Variants in RGSL1 observed in about 807,000 individuals in gnomAD.
RGSL1 encodes regulator of G protein signaling protein-like.
A neutral mutation model predicts 124.7 loss-of-function variants in RGSL1; 97 were observed. The ratio of observed to expected loss-of-function variants is 0.78; its 90% CI spans 0.66 to 0.92. The LOEUF is 0.92. RGSL1 is among the 40% of genes least tolerant of loss of function. The pLI is 0.00. For synonymous variants in RGSL1, 424 were observed against 438.1 expected (o/e 0.97, Z 0.40); for missense variants, 1,233 against 1,288.4 (o/e 0.96, Z 0.66).
rs909296449 is a variant in RGSL1 at position 182,529,864 on chromosome 1, A to T, written c.2126-380A>T. Among the ~76,000 whole-genome samples, 29 of 152,062 alleles carry T rather than the reference A, an allele frequency of 1.9e-4. 1 individual carries two copies. The highest frequency in any genetic ancestry group is 6.6e-5 in the Admixed American group (1 of 15,252). ...TGGAGAAACAAACTGCCCTCACAAT[A>T]CTTATCTGGAATCTTGGATTCCCCG... On this transcript the variant is annotated intron_variant, in intron 11 of 21. Transcript: ENST00000294854.
At position 182,548,376 on chromosome 1, in the gene RGSL1, A is replaced by G. The variant is rs1385085968; in HGVS notation, c.2729A>G (p.Asn910Ser). The change falls in exon 16 of 22, where the codon AAT becomes AGT. Residue 910 changes from asparagine to serine, a missense_variant. Asn to Ser is a conservative substitution (Grantham distance 46). Coordinates refer to ENST00000294854, the MANE Select transcript of RGSL1 (RefSeq NM_001137669.2). ...MLQVNRAYNENDVILMRSKMN... is the reference protein window; with the variant it reads ...MLQVNRAYNESDVILMRSKMN... ...CAGGTCAACCGGGCATATAATGAGA[A>G]TGATGTGATCCTAATGCGGTCCAAA... The G allele has an allele frequency of 1.4e-5, 21 of 1,551,896 alleles. No individual in the cohort carries two copies. The highest frequency in any genetic ancestry group is 1.8e-5 in the Non-Finnish European group (21 of 1,147,068).
Position 182,554,808 on chromosome 1 carries a change from A to G in RGSL1, c.3197+115A>G, listed in dbSNP as rs958597652. 2.8e-5 allele frequency: 29 copies of G among 1,017,896 alleles called. 1 individual carries two copies. The highest frequency in any genetic ancestry group is 4.3e-5 in the Non-Finnish European group (29 of 677,640). The allele number at this position is 1,017,896 out of a possible 1,614,324, so 63.1% of individuals were successfully genotyped here. On this transcript the variant is annotated intron_variant, in intron 20 of 21. Transcript: ENST00000294854. Reference sequence around the variant, plus strand: ...GCCTCATACCCTGCCTCTCCTTGGCATGCAGAACCTAGAAACTGAGCTTGC... The same window carrying G: ...GCCTCATACCCTGCCTCTCCTTGGCGTGCAGAACCTAGAAACTGAGCTTGC...
chr1:182,503,531 T>C (rs775257673), intron 9 of RGSL1, among the ~76,000 whole-genome samples: 17 of 126,902 alleles, frequency 1.3e-4, no homozygotes, highest in Non-Finnish European at 2.0e-4. Context: ...TCAAAACAAT[T>C]GAACCCATGG....
rs186120811 is a variant in RGSL1, at chr1:182,535,836, T to C, written c.2494+3045T>C. On this transcript the variant is annotated intron_variant, in intron 14 of 21. Coordinates refer to ENST00000294854, the MANE Select transcript of RGSL1 (RefSeq NM_001137669.2). The stretch of plus-strand genomic sequence containing the variant: ...ATACAGTAAAATTCACTAATTTTAA[T>C]TGTGCAATTTGATGAATGTAAGTAT... 1.7e-3 allele frequency among the ~76,000 whole-genome samples: 265 copies of C among 152,284 alleles called. 3 individuals are homozygous for C. The highest frequency in any genetic ancestry group is 5.3e-4 in the Non-Finnish European group (36 of 68,014).
chr1:182,534,614 G>A (rs1659415367), intron 14 of RGSL1, among the ~76,000 whole-genome samples: 1 of 152,164 alleles, frequency 6.6e-6, no homozygotes, highest in African/African-American at 2.4e-5. Flanking sequence ...GATCACTTGA[G>A]GTCGGGAATT....
At chr1:182,464,111 G>GA (rs1488118429) in intron 4 of RGSL1, among the ~76,000 whole-genome samples, 1 of 151,882 alleles carries the variant, frequency 6.6e-6, no homozygotes, top group Non-Finnish European at 1.5e-5. Flanking sequence ...ATGGATCAAA[G>GA]AAAAAATTAC....
intron 9 of RGSL1, among the ~76,000 whole-genome samples, chr1:182,509,972 G>C (rs1224660009): frequency 4.8e-4 from 61 of 125,806 alleles, no homozygotes; most frequent in African/African-American, 1.9e-3. Context: ...CAGGGCGGCC[G>C]GGCAGAGACG....
chr1:182,528,931 T>A (rs147941603), intron 11 of RGSL1, among the ~76,000 whole-genome samples: 5 of 152,152 alleles, frequency 3.3e-5, no homozygotes. Flanking sequence ...GCAAGAGAGA[T>A]AATGAGTGCC....
intron 15 of RGSL1, among the ~76,000 whole-genome samples, chr1:182,547,662 C>T (rs534729510): frequency 4.6e-5 from 7 of 152,154 alleles, no homozygotes; most frequent in African/African-American, 1.2e-4. Context: ...GAGATCGAGA[C>T]CATCCTGGGT....
intron 9 of RGSL1, among the ~76,000 whole-genome samples, chr1:182,506,086 A>G (rs558040802): frequency 4.3e-4 from 65 of 152,302 alleles, no homozygotes; most frequent in Admixed American, 8.5e-4. Flanking sequence ...CACAGATTTA[A>G]TCTCTTCAAA....
chr1:182,509,759 T>TG (rs1380482913), intron 9 of RGSL1, among the ~76,000 whole-genome samples: 2 of 56,400 alleles, frequency 3.5e-5, no homozygotes. Context: ...GCTGGCCGGG[T>TG]GGGGGGGCTG....
At chr1:182,464,126 G>A (rs1653076536) in intron 4 of RGSL1, among the ~76,000 whole-genome samples, 1 of 151,992 alleles carries the variant, frequency 6.6e-6, no homozygotes, top group South Asian at 2.1e-4. Context: ...AATTACAAGG[G>A]AAATTAGAAA....
chr1:182,548,323 T>G lies in RGSL1; in HGVS notation c.2676T>G (p.Asn892Lys), dbSNP rs1164551505. ...CTTCACATTTCTTTTTTAGATTTAATGATCTGGTCAGTTCAGCCCACATGC... is the reference window on the plus strand; with the variant it reads ...CTTCACATTTCTTTTTTAGATTTAAGGATCTGGTCAGTTCAGCCCACATGC... ...LYFFSEMEKFNDLVSSAHMLQ... is the reference protein window; with the variant it reads ...LYFFSEMEKFKDLVSSAHMLQ... The change falls in exon 16 of 22, where the codon AAT (asparagine) becomes AAG (lysine). Residue 892 changes from asparagine to lysine, a missense_variant. Coordinates refer to ENST00000294854, the MANE Select transcript of RGSL1 (RefSeq NM_001137669.2). 1 of 1,552,020 alleles carries G rather than the reference T, an allele frequency of 6.4e-7. No individual in the cohort carries two copies. Among genetic ancestry groups the G allele is most frequent in the Admixed American group, 2.0e-5 (1 of 51,000 alleles).
At chr1:182,551,458 C>T (rs559799541) in intron 18 of RGSL1, among the ~76,000 whole-genome samples, 2 of 152,324 alleles carry the variant, frequency 1.3e-5, no homozygotes, top group South Asian at 4.2e-4. Flanking sequence ...ATGCCGGTCA[C>T]AGTCTATGCT....
At chr1:182,532,307 C>G (rs1659232074) in intron 13 of RGSL1, among the ~76,000 whole-genome samples, 1 of 152,080 alleles carries the variant, frequency 6.6e-6, no homozygotes, top group Non-Finnish European at 1.5e-5. Flanking sequence ...TTGCCTGAGC[C>G]TTTAGTTCTT....
At chr1:182,524,790 A>G (rs2102247331) in intron 10 of RGSL1, among the ~76,000 whole-genome samples, 1 of 152,330 alleles carries the variant, frequency 6.6e-6, no homozygotes, top group Non-Finnish European at 1.5e-5. Context: ...AAAAATTGGG[A>G]GGCCACTATC....
chr1:182,492,366 G>A (rs989355467), intron 8 of RGSL1, among the ~76,000 whole-genome samples: 1 of 152,184 alleles, frequency 6.6e-6, no homozygotes, highest in African/African-American at 2.4e-5. Flanking sequence ...ACAGATGGAT[G>A]CTTTGAAGGA....
intron 6 of RGSL1, among the ~76,000 whole-genome samples, chr1:182,487,921 A>G (rs74128931): frequency 6.6e-6 from 1 of 152,360 alleles, no homozygotes; most frequent in African/African-American, 2.4e-5. Flanking sequence ...ATGAGTAGAC[A>G]CACCAAAGAA....
At chr1:182,539,260 C>T (rs1659737922) in intron 14 of RGSL1, among the ~76,000 whole-genome samples, 2 of 150,728 alleles carry the variant, frequency 1.3e-5, no homozygotes, top group African/African-American at 4.8e-5. Context: ...TATCAATTTC[C>T]ACTGTTATCT....
Sources: allele counts gnomAD v4.1 joint callset (sites outside exome capture counted in the v4.1 genomes callset), GRCh38; gene constraint gnomAD v4.1.1; transcripts MANE v1.5; gene names NCBI Gene and HGNC (gene_info 2026-07-23, HGNC 2026-07-21).